Variants in GPC5 observed in about 807,000 individuals in gnomAD.
GPC5 encodes the protein glypican 5.
In GPC5, 47 loss-of-function variants were observed where a neutral mutation model predicts 53.9. The observed-to-expected ratio is 0.87, with a 90% CI of 0.69 to 1.11. GPC5 has a LOEUF of 1.11. GPC5 is among the 50% of genes most tolerant of loss of function. GPC5 has a pLI of 0.00. For missense variants in GPC5, 748 were observed against 713.1 expected (o/e 1.05, Z -0.56); for synonymous variants, 286 against 263.3 (o/e 1.09, Z -0.84).
At position 92,798,306 on chromosome 13, in the gene GPC5, C is replaced by T. The variant is rs557385597; in HGVS notation, c.1562-67976C>T. Among the ~76,000 whole-genome samples the T allele has an allele frequency of 1.7e-3, 259 of 151,982 alleles. 1 individual carries two copies. The highest frequency in any genetic ancestry group is 2.8e-3 in the Non-Finnish European group (189 of 67,892). On this transcript the variant is annotated intron_variant, in intron 7 of 7. Coordinates refer to ENST00000377067, the MANE Select transcript of GPC5 (RefSeq NM_004466.6). ...GCAGCACAAGATGATATACACTCAG[C>T]AATTCACAATGGTGTAAAGGGCAGT...
At chr13:92,705,981 G>A (rs1887936506) in intron 7 of GPC5, 4 of 152,102 alleles carry the variant, frequency 2.6e-5, no homozygotes, top group Admixed American at 2.6e-4. Context: ...CCAACTACTG[G>A]GGAGGCTGAG....
chr13:92,427,366 C>T (rs916255716), intron 7 of GPC5, among the ~76,000 whole-genome samples: 6 of 149,286 alleles, frequency 4.0e-5, no homozygotes, highest in African/African-American at 7.4e-5. Context: ...ATAACTGATA[C>T]GATTCTTATT....
intron 7 of GPC5, among the ~76,000 whole-genome samples, chr13:92,435,390 T>G (rs1231795181): frequency 2.6e-5 from 4 of 152,166 alleles, no homozygotes; most frequent in African/African-American, 4.8e-5. Context: ...ATGACATAAT[T>G]TCTATGGAAC....
chr13:91,572,243 G>GCA, intron 2 of GPC5, among the ~76,000 whole-genome samples: 1 of 140,704 alleles, frequency 7.1e-6, no homozygotes, highest in South Asian at 2.2e-4. Context: ...ATATACATGT[G>GCA]TATATATATA....
intron 1 of GPC5, among the ~76,000 whole-genome samples, chr13:91,446,125 A>G (rs140797093): frequency 8.5e-5 from 13 of 152,194 alleles, no homozygotes; most frequent in African/African-American, 2.2e-4. Flanking sequence ...TTTGTTTTCT[A>G]GTTCCATCTG....
intron 7 of GPC5, among the ~76,000 whole-genome samples, chr13:92,773,785 A>G (rs1163016139): frequency 6.6e-6 from 1 of 152,108 alleles, no homozygotes. Context: ...AATATTCCTA[A>G]AGCTTTTGTA....
chr13:91,567,471 A>G (rs547598092), intron 2 of GPC5, among the ~76,000 whole-genome samples: 7 of 152,302 alleles, frequency 4.6e-5, no homozygotes, highest in Admixed American at 3.9e-4. Context: ...AATAATTGCA[A>G]CTCAGGTACA....
intron 6 of GPC5, among the ~76,000 whole-genome samples, chr13:92,088,754 AT>A: frequency 6.6e-6 from 1 of 152,204 alleles, no homozygotes; most frequent in South Asian, 2.1e-4. Flanking sequence ...AGGTTTTATA[AT>A]TTTACCTTTT....
intron 2 of GPC5, among the ~76,000 whole-genome samples, chr13:91,570,176 C>T (rs559191584): frequency 1.1e-4 from 16 of 152,110 alleles, no homozygotes; most frequent in African/African-American, 2.4e-4. Context: ...ATGTCCATCC[C>T]GACAAATAGA....
At chr13:91,431,974 A>G (rs1016702432) in intron 1 of GPC5, among the ~76,000 whole-genome samples, 1 of 152,196 alleles carries the variant, frequency 6.6e-6, no homozygotes. Flanking sequence ...CATGTGCCAG[A>G]TGGTTCAGAA....
In GPC5 at chr13:92,048,263, C is replaced by T. The variant is rs141286186; in HGVS notation, c.1402-96567C>T. Among the ~76,000 whole-genome samples the T allele has an allele frequency of 2.4e-3, 337 of 141,054 alleles. 1 individual carries two copies. Among genetic ancestry groups the T allele is most frequent in the African/African-American group, 8.4e-3 (324 of 38,668 alleles). 92.5% of individuals were successfully genotyped at this position (141,054 alleles called of 152,430 possible). On this transcript the variant is annotated intron_variant, in intron 6 of 7. Coordinates refer to ENST00000377067, the MANE Select transcript of GPC5 (RefSeq NM_004466.6). ...ATAATAGTGTATGTTATTCATACAA[C>T]GTTGTAACATATATTATATGTAATT...
At position 91,674,301 on chromosome 13, in the gene GPC5, G is replaced by A. The variant is rs74104967; in HGVS notation, c.326-18886G>A. ...ATGGTAGATTGCCTTTCCCAGTGTG[G>A]ATGGACCTCATCTAATCCATTGAAG... On this transcript the variant is annotated intron_variant, in intron 2 of 7. Coordinates refer to ENST00000377067, the MANE Select transcript of GPC5 (RefSeq NM_004466.6). Among the ~76,000 whole-genome samples, 1,186 of 151,712 alleles carry A rather than the reference G, an allele frequency of 7.8e-3. 18 individuals are homozygous for A. The highest frequency in any genetic ancestry group is 0.027 in the African/African-American group (1,120 of 41,310).
intron 7 of GPC5, among the ~76,000 whole-genome samples, chr13:92,697,113 G>T (rs1277084763): frequency 6.6e-6 from 1 of 151,006 alleles, no homozygotes; most frequent in East Asian, 2.0e-4. Context: ...TTGTAGCATA[G>T]TTTGAAGTCA....
chr13:92,238,663 G>T (rs1450836232), intron 7 of GPC5, among the ~76,000 whole-genome samples: 2 of 151,830 alleles, frequency 1.3e-5, no homozygotes, highest in African/African-American at 4.8e-5. Flanking sequence ...ACTTACACAA[G>T]TCCGTTATTA....
At chr13:92,170,695 G>A (rs2042064453) in intron 7 of GPC5, among the ~76,000 whole-genome samples, 1 of 152,026 alleles carries the variant, frequency 6.6e-6, no homozygotes, top group Admixed American at 6.5e-5. Context: ...AAAGTGCTGG[G>A]ATTACAGGCG....
At position 92,866,440 on chromosome 13, in the gene GPC5, C is replaced by T; in HGVS notation, c.*1C>T. The T allele has an allele frequency of 6.3e-7, 1 of 1,599,962 alleles. No homozygotes were observed. Among genetic ancestry groups the T allele is most frequent in the South Asian group, 1.1e-5 (1 of 89,344 alleles). On this transcript the variant is annotated 3_prime_UTR_variant, in exon 8 of 8. Transcript: ENST00000377067. ...GATGTTACTTCCCGGGATTTGGTAA[C>T]TGAACTCTTCTGTCCTGACATACCT...
intron 7 of GPC5, among the ~76,000 whole-genome samples, chr13:92,289,560 A>G (rs1197505758): frequency 6.6e-6 from 1 of 151,972 alleles, no homozygotes; most frequent in African/African-American, 2.4e-5. Context: ...ATATACTGCA[A>G]TATGTTTATG....
chr13:92,648,557 G>A (rs1478064618), intron 7 of GPC5, among the ~76,000 whole-genome samples: 1 of 151,838 alleles, frequency 6.6e-6, no homozygotes, highest in Non-Finnish European at 1.5e-5. Context: ...CAATGTTTTT[G>A]CCCTATTTTG....
At chr13:91,588,392 A>G (rs766679945) in intron 2 of GPC5, among the ~76,000 whole-genome samples, 1 of 152,128 alleles carries the variant, frequency 6.6e-6, no homozygotes, top group Non-Finnish European at 1.5e-5. Context: ...AATATTGACT[A>G]AGTGGCTTTG....
Sources: allele counts gnomAD v4.1 joint callset (sites outside exome capture counted in the v4.1 genomes callset), GRCh38; gene constraint gnomAD v4.1.1; transcripts MANE v1.5; gene names NCBI Gene and HGNC (gene_info 2026-07-23, HGNC 2026-07-21).